IGLL5: variants seen among roughly 807,000 people sequenced by gnomAD.
IGLL5 encodes immunoglobulin lambda-like polypeptide 5.
A neutral mutation model predicts 20.9 loss-of-function variants in IGLL5; 30 were observed. The ratio of observed to expected loss-of-function variants is 1.44; its 90% CI spans 1.07 to 1.95. The LOEUF (loss-of-function observed/expected upper bound fraction) is 1.95. IGLL5 is among the 30% of genes most tolerant of loss of function. IGLL5 has a pLI of 0.00. For synonymous variants in IGLL5, 203 were observed against 117.3 expected, an observed-to-expected ratio of 1.73 and a Z score of -4.72; for missense variants, 475 against 270.7, an observed-to-expected ratio of 1.75 and a Z score of -5.30.
At chr22:22,894,559 C>T (rs2066667766) in intron 2 of IGLL5, among the ~76,000 whole-genome samples, 1 of 151,546 alleles carries the variant, frequency 6.6e-6, no homozygotes, top group African/African-American at 2.4e-5. Context: ...GATCGGCCTC[C>T]TGCCTTCCTC....
chr22:22,894,443 C>G (rs145063051), intron 2 of IGLL5, among the ~76,000 whole-genome samples: 1 of 151,462 alleles, frequency 6.6e-6, no homozygotes, highest in African/African-American at 2.4e-5. Flanking sequence ...TGCCAGAATC[C>G]AACCCTCCCA....
intron 1 of IGLL5, among the ~76,000 whole-genome samples, chr22:22,889,439 C>G (rs910424458): frequency 1.3e-5 from 2 of 151,138 alleles, no homozygotes; most frequent in East Asian, 2.0e-4. Flanking sequence ...GGAATTTATC[C>G]TAAGGGTTGG....
rs572273393 is a variant in IGLL5, at chr22:22,888,330, A to G, written c.206+71A>G. 10 of 1,446,206 alleles carry G rather than the reference A, an allele frequency of 6.9e-6. 1 individual carries two copies. The highest frequency in any genetic ancestry group is 5.0e-5 in the East Asian group (2 of 39,992). 89.6% of individuals were successfully genotyped at this position (1,446,206 alleles called of 1,614,324 possible). A position where few individuals can be genotyped will look rare whatever the true frequency, so the allele number is the denominator to read the frequency against. ...GCTGGGAAAGGGTGACCAAGGGGAG[A>G]CAAGCCAGAGGAGTGAGGAGGAAGG... On this transcript the variant is annotated intron_variant, in intron 1 of 2. Transcript: ENST00000526893.
chr22:22,893,922 A>G (rs1160065673), intron 2 of IGLL5, 104 bp downstream of exon 2: 33 of 832,818 alleles, frequency 4.0e-5, no homozygotes, highest in Middle Eastern at 2.2e-4. Flanking sequence ...CCCAGCCTTA[A>G]GCACTGACCC....
chr22:22,893,189 T>C (rs1241942472), intron 1 of IGLL5, among the ~76,000 whole-genome samples: 1 of 151,076 alleles, frequency 6.6e-6, no homozygotes, highest in Non-Finnish European at 1.5e-5. Flanking sequence ...AACAGATGAA[T>C]AGCTGGATGG....
Position 22,888,221 on chromosome 22 carries a change from T to C in IGLL5, c.168T>C (p.Val56=), listed in dbSNP as rs1462177154. The part of the protein sequence containing the change: ...QSGDPDPGAS[V]GSSRSSLRSL... ...GGGACCCAGACCCTGGAGCCTCAGT[T>C]GGAAGCAGCCGATCCAGCCTGCGGA... is the stretch of plus-strand genomic sequence containing the variant. The change falls in exon 1 of 3, where the codon GTT becomes GTC. Residue 56 remains valine, a synonymous_variant. Coordinates refer to ENST00000526893, the MANE Select transcript of IGLL5 (RefSeq NM_001178126.2). The C allele has an allele frequency of 2.6e-6, 4 of 1,548,180 alleles. No individual in the cohort carries two copies. The highest frequency in any genetic ancestry group is 3.5e-6 in the Non-Finnish European group (4 of 1,146,462).
At chr22:22,894,405 A>G (rs575955900) in intron 2 of IGLL5, among the ~76,000 whole-genome samples, 6 of 151,456 alleles carry the variant, frequency 4.0e-5, no homozygotes, top group Middle Eastern at 3.7e-3. Context: ...ACATGGGGAC[A>G]CAGAGGGACG....
intron 2 of IGLL5, among the ~76,000 whole-genome samples, chr22:22,894,383 T>C (rs538227979): frequency 6.6e-6 from 1 of 151,450 alleles, no homozygotes; most frequent in East Asian, 2.0e-4. Flanking sequence ...TGGCCTGTGC[T>C]GGGTCATGAG....
At chr22:22,894,627 A>G (rs1601627644) in intron 2 of IGLL5, among the ~76,000 whole-genome samples, 5 of 150,064 alleles carry the variant, frequency 3.3e-5, no homozygotes, top group South Asian at 2.1e-4. Flanking sequence ...GGTGCAGAGA[A>G]CTCCATGGCT....
At chr22:22,894,380 T>C (rs974583988) in intron 2 of IGLL5, among the ~76,000 whole-genome samples, 1 of 151,380 alleles carries the variant, frequency 6.6e-6, no homozygotes, top group Non-Finnish European at 1.5e-5. Context: ...CTGTGGCCTG[T>C]GCTGGGTCAT....
intron 1 of IGLL5, among the ~76,000 whole-genome samples, chr22:22,892,539 T>C (rs993824483): frequency 4.0e-5 from 6 of 151,064 alleles, no homozygotes; most frequent in Admixed American, 3.3e-4. Context: ...CATTCTGCGA[T>C]GTCCCCAGGC....
At chr22:22,894,488 C>T (rs572342758) in intron 2 of IGLL5, among the ~76,000 whole-genome samples, 5 of 151,506 alleles carry the variant, frequency 3.3e-5, no homozygotes, top group South Asian at 2.1e-4. Context: ...TCTCTTAGGG[C>T]AGAGATGTGT....
intron 1 of IGLL5, among the ~76,000 whole-genome samples, 197 bp downstream of exon 1, chr22:22,888,456 A>C (rs923492529): frequency 4.0e-5 from 6 of 151,386 alleles, no homozygotes; most frequent in East Asian, 4.0e-4. Flanking sequence ...ATATCATATT[A>C]CGATATTATT....
rs376737719 is a variant in IGLL5 at position 22,895,460 on chromosome 22, G to C, written c.411G>C (p.Leu137=). 407 of 1,612,840 alleles carry C rather than the reference G, an allele frequency of 2.5e-4. 5 individuals carry two copies. The African/African-American group carries it at 3.0e-3, about 12-fold the overall frequency. Residue 137 remains leucine, a synonymous_variant, in exon 3 of 3, where the codon CTG becomes CTC. Transcript: ENST00000526893. ...CCAACAAGGCCACACTAGTGTGTCT[G>C]ATCAGTGACTTCTACCCGGGAGCTG... ...LQANKATLVC[L]ISDFYPGAVT...
At chr22:22,888,792 G>T (rs530637374) in intron 1 of IGLL5, among the ~76,000 whole-genome samples, 2 of 151,394 alleles carry the variant, frequency 1.3e-5, no homozygotes, top group South Asian at 2.1e-4. Context: ...AGGGAGGGTG[G>T]GATGAACCGA....
At chr22:22,889,910 A>G (rs2146001345) in intron 1 of IGLL5, among the ~76,000 whole-genome samples, 1 of 151,384 alleles carries the variant, frequency 6.6e-6, no homozygotes, top group South Asian at 2.1e-4. Context: ...TGTGTTTTTA[A>G]AGTATATATG....
chr22:22,888,804 G>A (rs577702820), intron 1 of IGLL5, among the ~76,000 whole-genome samples: 1 of 151,466 alleles, frequency 6.6e-6, no homozygotes, highest in Non-Finnish European at 1.5e-5. Flanking sequence ...ATGAACCGAG[G>A]GGAGCTGTCC....
At position 22,888,968 on chromosome 22, in the gene IGLL5, G is replaced by T. The variant is rs58430917; in HGVS notation, c.206+709G>T. Among the ~76,000 whole-genome samples the T allele has an allele frequency of 6.0e-5, 9 of 150,990 alleles. 1 individual carries two copies. The East Asian group carries it at 6.1e-4, about 10-fold the overall frequency. On this transcript the variant is annotated intron_variant, in intron 1 of 2. Coordinates refer to ENST00000526893, the MANE Select transcript of IGLL5 (RefSeq NM_001178126.2). The stretch of plus-strand genomic sequence containing the variant: ...CAGAGCAGCGTCAGAGGAGAGGAGA[G>T]CACAGGATGAGGCTGGGAGCTCCTG...
rs1176154618 is a variant in IGLL5, at chr22:22,888,100, T to G, written c.47T>G (p.Leu16Arg). The G allele has an allele frequency of 1.3e-6, 2 of 1,549,338 alleles. No individual in the cohort carries two copies. The highest frequency in any genetic ancestry group is 2.5e-5 in the East Asian group (1 of 40,668). ...GQVGCETPEE[L>R]GPGPRQRWPL... Reference sequence around the variant, plus strand: ...GTGGGTTGTGAGACCCCTGAGGAGCTGGGCCCTGGTCCCAGGCAGCGCTGG... The same window carrying G: ...GTGGGTTGTGAGACCCCTGAGGAGCGGGGCCCTGGTCCCAGGCAGCGCTGG... Residue 16 changes from leucine to arginine, a missense_variant, in exon 1 of 3, where the codon CTG becomes CGG. By Grantham distance (102) the Leu-to-Arg change is moderately radical. Coordinates refer to ENST00000526893, the MANE Select transcript of IGLL5 (RefSeq NM_001178126.2).
Sources: gnomAD v4.1 joint callset for allele counts (sites outside exome capture counted in the v4.1 genomes callset) on GRCh38, gnomAD v4.1.1 for gene constraint, MANE v1.5 for transcripts, NCBI Gene and HGNC (gene_info 2026-07-23, HGNC 2026-07-21) for gene names.